CSMD1: variants seen among roughly 807,000 people sequenced by gnomAD.
The protein encoded by CSMD1 is CUB and sushi domain-containing protein 1.
Under a neutral mutation model 417.5 loss-of-function variants are expected in CSMD1, and 213 were observed. The observed-to-expected ratio is 0.51, with a 90% CI of 0.46 to 0.57. CSMD1 has a LOEUF of 0.57. Among genes scored for constraint, CSMD1 ranks in the 20% least tolerant of loss-of-function variants. The pLI is 0.00. For synonymous variants in CSMD1, 2,862 were observed against 1,736.8 expected, an observed-to-expected ratio of 1.65 and a Z score of -16.11; for missense variants, 6,923 against 4,529.7, an observed-to-expected ratio of 1.53 and a Z score of -15.17.
intron 3 of CSMD1, among the ~76,000 whole-genome samples, chr8:4,320,154 T>C (rs1799185857): frequency 6.6e-6 from 1 of 152,162 alleles, no homozygotes; most frequent in African/African-American, 2.4e-5. Flanking sequence ...CACAAAACTT[T>C]ATTTAGAGAA....
chr8:3,992,442 T>C (rs929022584), intron 5 of CSMD1, among the ~76,000 whole-genome samples: 2 of 152,142 alleles, frequency 1.3e-5, no homozygotes, highest in Non-Finnish European at 1.5e-5. Context: ...TTGAGGTGCA[T>C]AGCTTACAAC....
intron 3 of CSMD1, among the ~76,000 whole-genome samples, chr8:4,237,354 A>G (rs902054605): frequency 6.6e-6 from 1 of 152,014 alleles, no homozygotes; most frequent in Non-Finnish European, 1.5e-5. Context: ...AACAGAAAAC[A>G]TTATTTCTGA....
chr8:4,599,602 CT>C (rs1462709050), intron 2 of CSMD1, among the ~76,000 whole-genome samples: 4 of 151,894 alleles, frequency 2.6e-5, no homozygotes, highest in African/African-American at 9.7e-5. Context: ...GTATACTGTA[CT>C]TTACCACACT....
chr8:3,289,139 C>T (rs1159686410), intron 25 of CSMD1, among the ~76,000 whole-genome samples: 2 of 147,476 alleles, frequency 1.4e-5, no homozygotes, highest in Non-Finnish European at 2.9e-5. Context: ...ATCCATGTCC[C>T]TACAAAGCAC....
intron 10 of CSMD1, among the ~76,000 whole-genome samples, chr8:3,565,419 G>A (rs1799663570): frequency 6.6e-6 from 1 of 152,168 alleles, no homozygotes; most frequent in Non-Finnish European, 1.5e-5. Flanking sequence ...AAAGGGTGGT[G>A]TGTCTAATCT....
Position 3,308,407 on chromosome 8 carries a change from C to T in CSMD1, c.3728G>A (p.Ser1243Asn). 1 of 1,613,846 alleles carries T rather than the reference C, an allele frequency of 6.2e-7. No homozygotes were observed. Among genetic ancestry groups the T allele is most frequent in the Non-Finnish European group, 8.5e-7 (1 of 1,179,820 alleles). The change falls in exon 24 of 70, where the codon AGT (serine) becomes AAT (asparagine). Residue 1243 changes from serine to asparagine, a missense_variant. Transcript: ENST00000635120. ...GHFTDTVVLYSCNPGYAMHGS... is the reference protein window; with the variant it reads ...GHFTDTVVLYNCNPGYAMHGS... Reference sequence around the variant, plus strand: ...ATGCATGGCGTACCCCGGGTTGCAACTGTACAGAACTACAGTGTCGGTAAA... The same window carrying T: ...ATGCATGGCGTACCCCGGGTTGCAATTGTACAGAACTACAGTGTCGGTAAA...
chr8:3,547,171 T>C (rs1018463085), intron 10 of CSMD1, among the ~76,000 whole-genome samples: 1 of 152,178 alleles, frequency 6.6e-6, no homozygotes, highest in African/African-American at 2.4e-5. Context: ...CAAAGATGAA[T>C]ACCTTGTCTT....
chr8:3,541,882 C>A (rs938081267), intron 10 of CSMD1, among the ~76,000 whole-genome samples: 5 of 151,980 alleles, frequency 3.3e-5, no homozygotes, highest in Non-Finnish European at 5.9e-5. Flanking sequence ...GCCAAAATGG[C>A]AAAACCCCAT....
At chr8:4,512,797 GAT>G (rs1802894611) in intron 2 of CSMD1, among the ~76,000 whole-genome samples, 1 of 85,136 alleles carries the variant, frequency 1.2e-5, no homozygotes, top group Non-Finnish European at 3.1e-5. Flanking sequence ...TAAACAAAGA[GAT>G]AGCCCATGTT....
At chr8:3,860,343 G>C (rs1040893128) in intron 5 of CSMD1, among the ~76,000 whole-genome samples, 1 of 151,978 alleles carries the variant, frequency 6.6e-6, no homozygotes, top group Non-Finnish European at 1.5e-5. Context: ...AGCAAGTATA[G>C]GGCAATTTCA....
chr8:3,098,126 GA>G (rs113011379), intron 46 of CSMD1, among the ~76,000 whole-genome samples: 2 of 152,020 alleles, frequency 1.3e-5, no homozygotes, highest in African/African-American at 4.8e-5. Context: ...ACTATTAAGG[GA>G]AATTTTTTTC....
At chr8:3,396,082 A>G in intron 17 of CSMD1, 112 bp downstream of exon 17, 1 of 882,264 alleles carries the variant, frequency 1.1e-6, no homozygotes, top group Non-Finnish European at 1.8e-6. Context: ...GCTAGAGTCA[A>G]GCAGGATCAG....
At position 3,811,212 on chromosome 8, in the gene CSMD1, G is replaced by C. The variant is rs544320817; in HGVS notation, c.819-57170C>G. 5.3e-5 allele frequency among the ~76,000 whole-genome samples: 8 copies of C among 152,160 alleles called. 1 individual carries two copies. The highest frequency in any genetic ancestry group is 1.9e-4 in the East Asian group (1 of 5,194). On this transcript the variant is annotated intron_variant, in intron 5 of 69. Transcript: ENST00000635120. ...ATTCGAATTATTTTTTAAGGGAGAA[G>C]GGCAATCTGTGAGTATGAAACACCC...
intron 1 of CSMD1, among the ~76,000 whole-genome samples, chr8:4,766,280 C>T (rs1812457630): frequency 6.6e-6 from 1 of 152,258 alleles, no homozygotes; most frequent in Non-Finnish European, 1.5e-5. Context: ...GACTATCTTA[C>T]CTGCTAGTTA....
intron 40 of CSMD1, among the ~76,000 whole-genome samples, chr8:3,149,920 C>A (rs1423298135): frequency 4.6e-5 from 7 of 152,152 alleles, no homozygotes; most frequent in Admixed American, 4.6e-4. Flanking sequence ...AATAATTTGA[C>A]CAACAAGGCT....
At chr8:4,807,935 T>A (rs1056961971) in intron 1 of CSMD1, among the ~76,000 whole-genome samples, 15 of 152,186 alleles carry the variant, frequency 9.9e-5, no homozygotes, top group African/African-American at 3.6e-4. Flanking sequence ...TTTTCTAAAT[T>A]CAATAAAGCC....
At chr8:4,169,756 G>T (rs982759237) in intron 3 of CSMD1, among the ~76,000 whole-genome samples, 1 of 152,104 alleles carries the variant, frequency 6.6e-6, no homozygotes, top group African/African-American at 2.4e-5. Context: ...CCCCCTTGAG[G>T]ACTATTCATG....
chr8:3,056,984 C>A (rs1812274063), intron 49 of CSMD1, among the ~76,000 whole-genome samples: 2 of 151,760 alleles, frequency 1.3e-5, no homozygotes, highest in South Asian at 4.2e-4. Context: ...TCATGTTGGG[C>A]CAAGAAATAA....
At chr8:4,595,536 C>G (rs951435324) in intron 2 of CSMD1, among the ~76,000 whole-genome samples, 5 of 152,166 alleles carry the variant, frequency 3.3e-5, no homozygotes, top group African/African-American at 1.2e-4. Flanking sequence ...CTACTGTAGA[C>G]TAGCTCTGGT....
Sources: allele counts gnomAD v4.1 joint callset (sites outside exome capture counted in the v4.1 genomes callset), GRCh38; gene constraint gnomAD v4.1.1; transcripts MANE v1.5; gene names NCBI Gene and HGNC (gene_info 2026-07-23, HGNC 2026-07-21).